Variants in KCNMA1 observed in about 807,000 individuals in gnomAD.
The protein encoded by KCNMA1 is Calcium-activated potassium channel subunit alpha-1.
KCNMA1 carries 29 observed loss-of-function variants against 140.0 expected under a neutral mutation model. The ratio of observed to expected loss-of-function variants is 0.21; its 90% confidence interval spans 0.15 to 0.28. The LOEUF (loss-of-function observed/expected upper bound fraction) is 0.28. Ranked by LOEUF, KCNMA1 falls within the 10% of genes least tolerant of loss-of-function variation. The probability of loss-of-function intolerance (pLI) is 1.00; values close to 1 mark genes in which losing one functional copy is unlikely to be tolerated. For synonymous variants in KCNMA1, 612 were observed against 611.9 expected, an observed-to-expected ratio of 1.00 and a Z score of 0.00; for missense variants, 880 against 1,602.2, an observed-to-expected ratio of 0.55 and a Z score of 7.70.
chr10:76,954,372 A>G (rs1443862177), intron 20 of KCNMA1, among the ~76,000 whole-genome samples: 1 of 152,226 alleles, frequency 6.6e-6, no homozygotes, highest in East Asian at 1.9e-4. Context: ...ATAGAGCCTC[A>G]TGCTGACTGA....
chr10:77,133,335 T>G (rs947204788), intron 5 of KCNMA1, among the ~76,000 whole-genome samples: 3 of 151,714 alleles, frequency 2.0e-5, no homozygotes, highest in African/African-American at 7.3e-5. Context: ...AAGACAGAGA[T>G]TCACATGATA....
chr10:77,003,829 T>C (rs896897533), intron 18 of KCNMA1, among the ~76,000 whole-genome samples: 3 of 152,112 alleles, frequency 2.0e-5, no homozygotes, highest in African/African-American at 7.2e-5. Context: ...GGGGATGAAA[T>C]AACTTTTGAA....
At chr10:76,900,142 TTTATTATTAAACTTTATAATG>T (rs2044471495) in intron 25 of KCNMA1, among the ~76,000 whole-genome samples, 1 of 152,118 alleles carries the variant, frequency 6.6e-6, no homozygotes, top group African/African-American at 2.4e-5. Flanking sequence ...AGAGATCATT[TTTATTATTAAACTTTATAATG>T]TACACTGTTT....
chr10:77,292,105 G>A (rs1168270542), intron 2 of KCNMA1, among the ~76,000 whole-genome samples: 2 of 152,148 alleles, frequency 1.3e-5, no homozygotes, highest in Non-Finnish European at 2.9e-5. Context: ...CAGATTAAAG[G>A]GCTCATGAAA....
intron 1 of KCNMA1, among the ~76,000 whole-genome samples, chr10:77,508,722 T>C (rs2039240153): frequency 6.6e-6 from 1 of 151,946 alleles, no homozygotes. Flanking sequence ...ATTCACATTG[T>C]GGTGCAACTA....
At chr10:77,220,061 A>AC (rs2049083373) in intron 3 of KCNMA1, among the ~76,000 whole-genome samples, 1 of 152,206 alleles carries the variant, frequency 6.6e-6, no homozygotes, top group African/African-American at 2.4e-5. Flanking sequence ...CTAGCCCACT[A>AC]CACATACCAG....
At chr10:77,051,383 G>A (rs952356682) in intron 14 of KCNMA1, among the ~76,000 whole-genome samples, 5 of 152,336 alleles carry the variant, frequency 3.3e-5, no homozygotes, top group African/African-American at 9.6e-5. Flanking sequence ...GTATCAGAGT[G>A]ATTGGGAAGC....
chr10:76,926,604 TC>T (rs1159032120), intron 23 of KCNMA1, among the ~76,000 whole-genome samples: 2 of 152,148 alleles, frequency 1.3e-5, no homozygotes, highest in Non-Finnish European at 2.9e-5. Flanking sequence ...AGTTCTCCCA[TC>T]CATAAAATGA....
intron 2 of KCNMA1, among the ~76,000 whole-genome samples, chr10:77,345,876 C>T (rs947127795): frequency 6.6e-6 from 1 of 152,118 alleles, no homozygotes; most frequent in African/African-American, 2.4e-5. Context: ...ATGAGGGATC[C>T]CCATTCTCCT....
chr10:77,154,111 GAA>G (rs1295694649), intron 5 of KCNMA1, among the ~76,000 whole-genome samples: 2 of 152,116 alleles, frequency 1.3e-5, no homozygotes, highest in Non-Finnish European at 2.9e-5. Context: ...TAAGTCTCAA[GAA>G]AGCTGATGGT....
chr10:77,628,287 ACT>A (rs1003502231), intron 1 of KCNMA1, among the ~76,000 whole-genome samples: 3 of 151,620 alleles, frequency 2.0e-5, no homozygotes, highest in Non-Finnish European at 4.4e-5. Flanking sequence ...TGCCTTAAAA[ACT>A]CTTTTGCAAA....
At chr10:76,983,331 CG>C (rs1331091651) in intron 19 of KCNMA1, among the ~76,000 whole-genome samples, 2 of 152,186 alleles carry the variant, frequency 1.3e-5, no homozygotes, top group South Asian at 2.1e-4. Context: ...CAGCCCTTAG[CG>C]CAGTATGCCT....
At chr10:77,021,959 C>G (rs184271444) in intron 16 of KCNMA1, among the ~76,000 whole-genome samples, 21 of 152,296 alleles carry the variant, frequency 1.4e-4, no homozygotes, top group Non-Finnish European at 2.4e-4. Flanking sequence ...GACATTAAGT[C>G]TTCTATACAC....
Position 77,390,407 on chromosome 10 carries a change from T to C in KCNMA1, c.540+13455A>G, listed in dbSNP as rs574238911. ...AAGGTGAGTAAACTGTTTTCTCTCT[T>C]TCTGATGATCTGAGCTTTTTCCTGG... On this transcript the variant is annotated intron_variant, in intron 2 of 27. Coordinates refer to ENST00000286628, the MANE Select transcript of KCNMA1 (RefSeq NM_001161352.2). 5.9e-5 allele frequency among the ~76,000 whole-genome samples: 9 copies of C among 152,314 alleles called. No homozygotes were observed. The East Asian group carries it at 1.5e-3, about 26-fold the overall frequency.
intron 23 of KCNMA1, among the ~76,000 whole-genome samples, chr10:76,926,764 A>C (rs1222725604): frequency 1.3e-5 from 2 of 152,320 alleles, no homozygotes; most frequent in African/African-American, 4.8e-5. Flanking sequence ...GGAACACAGG[A>C]GCCCTCTCTT....
chr10:77,416,792 C>T (rs557691377), intron 1 of KCNMA1, among the ~76,000 whole-genome samples: 3 of 152,180 alleles, frequency 2.0e-5, no homozygotes, highest in African/African-American at 2.4e-5. Flanking sequence ...ACCTAGCACA[C>T]GGTGAGCATT....
intron 2 of KCNMA1, among the ~76,000 whole-genome samples, chr10:77,263,076 T>A (rs778381674): frequency 2.6e-5 from 4 of 152,152 alleles, no homozygotes; most frequent in Non-Finnish European, 5.9e-5. Flanking sequence ...ATTTAAAAAC[T>A]CAAACATCAT....
intron 2 of KCNMA1, among the ~76,000 whole-genome samples, chr10:77,276,568 A>G (rs1755829795): frequency 6.6e-6 from 1 of 152,124 alleles, no homozygotes; most frequent in South Asian, 2.1e-4. Flanking sequence ...CATGGATGTG[A>G]AGTTACCAAC....
chr10:77,292,200 C>T (rs2154313683), intron 2 of KCNMA1, among the ~76,000 whole-genome samples: 1 of 152,314 alleles, frequency 6.6e-6, no homozygotes, highest in South Asian at 2.1e-4. Context: ...TGAGACCCCG[C>T]CGGGCCTCAG....
Sources: gnomAD v4.1 joint callset for allele counts (sites outside exome capture counted in the v4.1 genomes callset) on GRCh38, gnomAD v4.1.1 for gene constraint, MANE v1.5 for transcripts, NCBI Gene and HGNC (gene_info 2026-07-23, HGNC 2026-07-21) for gene names.